Variants in VPS13C observed in about 807,000 individuals in gnomAD.
VPS13C encodes intermembrane lipid transfer protein VPS13C.
VPS13C carries 358 observed loss-of-function variants against 456.8 expected under a neutral mutation model. The observed-to-expected ratio is 0.78, with a 90% CI of 0.72 to 0.86. The LOEUF (loss-of-function observed/expected upper bound fraction) is 0.86. Among genes scored for constraint, VPS13C ranks in the 40% least tolerant of loss-of-function variants. The probability of loss-of-function intolerance (pLI) is 0.00; values close to 1 mark genes in which losing one functional copy is unlikely to be tolerated. For synonymous variants in VPS13C, 1,578 were observed against 1,486.7 expected, an observed-to-expected ratio of 1.06 and a Z score of -1.41; for missense variants, 4,818 against 4,385.4, an observed-to-expected ratio of 1.10 and a Z score of -2.79.
intron 51 of VPS13C, among the ~76,000 whole-genome samples, chr15:61,927,547 C>T (rs1307998800): frequency 1.3e-5 from 2 of 152,204 alleles, no homozygotes; most frequent in African/African-American, 4.8e-5. Context: ...ACCATTACCA[C>T]TTTGACCTAG....
intron 21 of VPS13C, among the ~76,000 whole-genome samples, chr15:61,981,970 CAT>C (rs367550554): frequency 7.8e-4 from 118 of 152,208 alleles, no homozygotes; most frequent in African/African-American, 2.8e-3. Context: ...GTGAAAACTG[CAT>C]ATAGTCAATG....
At chr15:62,006,760 G>T (rs2046864315) in intron 15 of VPS13C, among the ~76,000 whole-genome samples, 2 of 152,054 alleles carry the variant, frequency 1.3e-5, no homozygotes, top group African/African-American at 4.8e-5. Context: ...ATCCTCTCCA[G>T]CACCTGTTGT....
chr15:61,881,020 T>A (rs1047004229), intron 71 of VPS13C, 66 bp from the exon 72 acceptor site: 20 of 1,345,266 alleles, frequency 1.5e-5, no homozygotes, highest in Non-Finnish European at 2.0e-5. Context: ...ATGTTAAAAC[T>A]TTGATTTCAG....
rs761458618 is a variant in VPS13C at position 61,920,661 on chromosome 15, T to C, written c.7063-14A>G. The stretch of plus-strand genomic sequence containing the variant: ...GTTCTTCTTTACCTATGAAGAAAAA[T>C]AACACAGCAAATTTAAATTATTAGC... On this transcript the variant is annotated splice_polypyrimidine_tract_variant and intron_variant, in intron 55 of 84. Coordinates refer to ENST00000644861, the MANE Select transcript of VPS13C (RefSeq NM_020821.3). 9.7e-5 allele frequency: 151 copies of C among 1,553,684 alleles called. No individual in the cohort carries two copies. The highest frequency in any genetic ancestry group is 1.3e-4 in the Non-Finnish European group (147 of 1,159,892).
intron 61 of VPS13C, among the ~76,000 whole-genome samples, chr15:61,914,294 C>T (rs1016824056): frequency 6.6e-5 from 10 of 152,004 alleles, no homozygotes; most frequent in Non-Finnish European, 1.0e-4. Context: ...AGGTGCCATG[C>T]GTGGTGGCTC....
rs370972232 is a variant in VPS13C at position 61,881,740 on chromosome 15, A to T, written c.9706+7T>A. 144 of 1,608,056 alleles carry T rather than the reference A, an allele frequency of 9.0e-5. No individual in the cohort carries two copies. Among genetic ancestry groups the T allele is most frequent in the Non-Finnish European group, 1.2e-4 (142 of 1,178,300 alleles). On this transcript the variant is annotated splice_region_variant and intron_variant, in intron 70 of 84. Coordinates refer to ENST00000644861, the MANE Select transcript of VPS13C (RefSeq NM_020821.3). The stretch of plus-strand genomic sequence containing the variant: ...GTATATCTATGTCACAACTTATTTT[A>T]TTTTACCTGAATCTAAAGCAATAGA...
chr15:61,949,559 A>G lies in VPS13C; in HGVS notation c.4643T>C (p.Leu1548Pro). 1 of 1,612,288 alleles carries G rather than the reference A, an allele frequency of 6.2e-7. No homozygotes were observed. Among genetic ancestry groups the G allele is most frequent in the East Asian group, 2.2e-5 (1 of 44,848 alleles). ...LDLVLHLEAL[L>P]SFMDFLSSAA... ...AGATGATAAAAAATCCATGAAGGAA[A>G]GTAAAGCTTCCAAATGAAGTACTAA... is the stretch of plus-strand genomic sequence containing the variant. The change falls in exon 42 of 85, where the codon CTT becomes CCT. Residue 1548 changes from leucine to proline, a missense_variant. Coordinates refer to ENST00000644861, the MANE Select transcript of VPS13C (RefSeq NM_020821.3).
chr15:61,968,182 A>G (rs2045437963), intron 28 of VPS13C, among the ~76,000 whole-genome samples: 1 of 152,106 alleles, frequency 6.6e-6, no homozygotes, highest in Admixed American at 6.6e-5. Flanking sequence ...TTCAACTATT[A>G]AAAAGTTATA....
At chr15:62,023,657 T>C in intron 7 of VPS13C, 123 bp downstream of exon 7, 3 of 1,160,768 alleles carry the variant, frequency 2.6e-6, no homozygotes, top group Non-Finnish European at 2.5e-6. Flanking sequence ...TTAATATGCA[T>C]TTCCAACTTA....
intron 22 of VPS13C, among the ~76,000 whole-genome samples, chr15:61,979,653 A>G (rs566857282): frequency 6.6e-6 from 1 of 152,334 alleles, no homozygotes; most frequent in African/African-American, 2.4e-5. Context: ...TTCATTCCCT[A>G]ATTGAAGAGG....
chr15:61,867,861 C>A lies in VPS13C; in HGVS notation c.10863+798G>T. On this transcript the variant is annotated intron_variant, in intron 81 of 84. Coordinates refer to ENST00000644861, the MANE Select transcript of VPS13C (RefSeq NM_020821.3). The surrounding 1 kb of genome is among the most constrained non-coding windows in gnomAD (Gnocchi z 5.0). The stretch of plus-strand genomic sequence containing the variant: ...ATTGACAATGGAATTCACACACAGT[C>A]AATTAACACCACAGTTTGTTTTGAT... 1 of 1,583,416 alleles carries A rather than the reference C, an allele frequency of 6.3e-7. No individual in the cohort carries two copies. The highest frequency in any genetic ancestry group is 1.2e-5 in the South Asian group (1 of 85,400).
rs966074296 is a variant in VPS13C, at chr15:61,853,587, G to C, written c.*870C>G. 6.6e-6 allele frequency: 1 copy of C among 152,122 alleles called. No homozygotes were observed. Among genetic ancestry groups the C allele is most frequent in the Non-Finnish European group, 1.5e-5 (1 of 68,008 alleles). The allele number at this position is 152,122 out of a possible 1,614,324, so 9.4% of individuals were successfully genotyped here. On this transcript the variant is annotated 3_prime_UTR_variant, in exon 85 of 85. Transcript: ENST00000644861. ...ATATGCTTTATTAGGGGGAAAAACA[G>C]TGTTTTCATGAAAAGAAAATAGAAA...
intron 80 of VPS13C, among the ~76,000 whole-genome samples, 166 bp downstream of exon 80, chr15:61,869,334 T>G (rs1005306835): frequency 6.6e-6 from 1 of 152,174 alleles, no homozygotes; most frequent in African/African-American, 2.4e-5. Context: ...GCAAAATATG[T>G]CTTTTCTTAT....
chr15:61,966,063 C>A lies in VPS13C; in HGVS notation c.3051+20G>T. 6.3e-7 allele frequency: 1 copy of A among 1,585,206 alleles called. No homozygotes were observed. Among genetic ancestry groups the A allele is most frequent in the South Asian group, 1.1e-5 (1 of 87,698 alleles). On this transcript the variant is annotated intron_variant, in intron 30 of 84. Coordinates refer to ENST00000644861, the MANE Select transcript of VPS13C (RefSeq NM_020821.3). Reference sequence around the variant, plus strand: ...AGGTTATTTTCAAACAGGATAAATTCCTTTAACAGAATTTCTTACCTTAAC... The same window carrying A: ...AGGTTATTTTCAAACAGGATAAATTACTTTAACAGAATTTCTTACCTTAAC...
At chr15:61,989,150 G>A (rs1264404654) in intron 18 of VPS13C, among the ~76,000 whole-genome samples, 5 of 151,962 alleles carry the variant, frequency 3.3e-5, no homozygotes, top group African/African-American at 1.2e-4. Context: ...CAGCACTTTG[G>A]GAGGCCAAGG....
intron 63 of VPS13C, among the ~76,000 whole-genome samples, chr15:61,911,128 C>T (rs1596321436): frequency 1.3e-5 from 2 of 152,114 alleles, no homozygotes; most frequent in Non-Finnish European, 2.9e-5. Flanking sequence ...TTCAACTATC[C>T]TGAGAGTCAG....
rs138911996 is a variant in VPS13C, at chr15:61,915,711, A to T, written c.8367T>A (p.Ile2789=). 1.2e-4 allele frequency: 195 copies of T among 1,613,496 alleles called. No homozygotes were observed. The highest frequency in any genetic ancestry group is 1.6e-4 in the Non-Finnish European group (184 of 1,179,906). Residue 2789 remains isoleucine, a synonymous_variant, in exon 61 of 85, where the codon ATT becomes ATA. Coordinates refer to ENST00000644861, the MANE Select transcript of VPS13C (RefSeq NM_020821.3). ...TRVLQYRSED[I]HVKHPADFRD... ...TGAAATCAGCTGGATGTTTCACATG[A>T]ATATCTTCTGAACGATACTGGAGAA...
At position 61,877,059 on chromosome 15, in the gene VPS13C, G is replaced by C. The variant is rs1290576320; in HGVS notation, c.10143-5C>G. 1 of 1,595,310 alleles carries C rather than the reference G, an allele frequency of 6.3e-7. No individual in the cohort carries two copies. Among genetic ancestry groups the C allele is most frequent in the Admixed American group, 1.7e-5 (1 of 57,230 alleles). ...CGAATTTCATAATAAGCAAGTCTGG[G>C]AGGAGAAAAAGGAAAGATTCAAAGA... On this transcript the variant is annotated splice_region_variant and splice_polypyrimidine_tract_variant and intron_variant, in intron 74 of 84. Transcript: ENST00000644861.
intron 81 of VPS13C, chr15:61,865,866 T>C: frequency 1.1e-6 from 1 of 944,064 alleles, no homozygotes; most frequent in Non-Finnish European, 1.3e-6. Context: ...TAATATATGA[T>C]TCAGTAACTC....
Sources: allele counts gnomAD v4.1 joint callset (sites outside exome capture counted in the v4.1 genomes callset), GRCh38; gene constraint gnomAD v4.1.1; non-coding constraint Gnocchi (gnomAD v3.1); transcripts MANE v1.5; gene names NCBI Gene and HGNC (gene_info 2026-07-23, HGNC 2026-07-21).